Variants in CRYAB observed in about 807,000 individuals in gnomAD.
CRYAB encodes the protein crystallin alpha B.
CRYAB carries 9 observed loss-of-function variants against 12.7 expected under a neutral mutation model. That is an observed-to-expected ratio of 0.71 (90% CI 0.43 to 1.24). The LOEUF (loss-of-function observed/expected upper bound fraction) is 1.24. Among genes scored for constraint, CRYAB ranks in the 50% most tolerant of loss-of-function variants. The pLI, the probability that CRYAB is intolerant of heterozygous loss-of-function variation, is 0.00. For missense variants in CRYAB, 183 were observed against 226.6 expected (o/e 0.81, Z 1.24); for synonymous variants, 93 against 86.8 (o/e 1.07, Z -0.40).
intron 1 of CRYAB, 112 bp downstream of exon 1, chr11:111,911,412 G>A: frequency 9.3e-7 from 1 of 1,070,012 alleles, no homozygotes; most frequent in Non-Finnish European, 1.4e-6. Flanking sequence ...CTTCACATTT[G>A]GACACACATG....
upstream of CRYAB, among the ~76,000 whole-genome samples, chr11:111,915,800 T>C (rs587714348): frequency 3.4e-4 from 52 of 152,332 alleles, no homozygotes; most frequent in African/African-American, 1.2e-3. Context: ...TGGAGTGCAG[T>C]GGCATGATCA....
Position 111,910,702 on chromosome 11 carries a change from G to T in CRYAB, c.202-253C>A, listed in dbSNP as rs1021708647. 7.2e-6 allele frequency: 4 copies of T among 553,256 alleles called. No homozygotes were observed. The African/African-American group carries it at 7.6e-5, about 10-fold the overall frequency. The allele number at this position is 553,256 out of a possible 1,614,324, so 34.3% of individuals were successfully genotyped here. ...AGAGAAGAAGACAGATCACCCAGGGGACCAGTCGCAAGGATGGGTGCAAGC... is the reference window on the plus strand; with the variant it reads ...AGAGAAGAAGACAGATCACCCAGGGTACCAGTCGCAAGGATGGGTGCAAGC... On this transcript the variant is annotated intron_variant, in intron 1 of 2. Coordinates refer to ENST00000650687, the MANE Select transcript of CRYAB (RefSeq NM_001289808.2).
upstream of CRYAB, chr11:111,912,957 C>T (rs545496413): frequency 5.5e-5 from 82 of 1,487,542 alleles, no homozygotes; most frequent in African/African-American, 1.0e-3. Flanking sequence ...TGCCCCCCAC[C>T]CCCACCCCCT....
In CRYAB at chr11:111,911,665, G is replaced by C. The variant is rs4252582; in HGVS notation, c.60C>G (p.Pro20=). The change falls in exon 1 of 3, where the codon CCC becomes CCG. Residue 20 remains proline (P), a synonymous_variant. Transcript: ENST00000650687. ...IRRPFFPFHS[P]SRLFDQFFGE... ...CGAAGAACTGGTCAAAGAGGCGGCT[G>C]GGGGAGTGGAAAGGAAAGAAGGGGC... is the stretch of plus-strand genomic sequence containing the variant. 3 of 1,608,426 alleles carry C rather than the reference G, an allele frequency of 1.9e-6. No individual in the cohort carries two copies. The highest frequency in any genetic ancestry group is 1.1e-5 in the South Asian group (1 of 89,798).
upstream of CRYAB, chr11:111,913,222 T>G: frequency 1.8e-6 from 1 of 555,190 alleles, no homozygotes; most frequent in Non-Finnish European, 3.2e-6. Flanking sequence ...CTCCCCCTCC[T>G]CCTCCTTCTC....
chr11:111,914,707 G>T (rs73560027), upstream of CRYAB, among the ~76,000 whole-genome samples: 1 of 152,272 alleles, frequency 6.6e-6, no homozygotes, highest in African/African-American at 2.4e-5. Flanking sequence ...TGGGGGAAGT[G>T]TCCAAAAGAC....
chr11:111,915,548 A>G (rs1353752995), upstream of CRYAB, among the ~76,000 whole-genome samples: 1 of 152,244 alleles, frequency 6.6e-6, no homozygotes, highest in East Asian at 1.9e-4. Context: ...TTCAACCAAA[A>G]TAGCTTCACA....
chr11:111,913,618 G>A, upstream of CRYAB: 1 of 1,614,182 alleles, frequency 6.2e-7, no homozygotes, highest in Non-Finnish European at 8.5e-7. Context: ...GTGACTGTGA[G>A]GACTGTGGAT....
rs782115863 is a variant in CRYAB at position 111,908,816 on chromosome 11, A to G, written c.476T>C (p.Ile159Thr). Residue 159 changes from isoleucine (I) to threonine (T), a missense_variant, in exon 3 of 3, where the codon ATT (isoleucine) becomes ACT (threonine). Around this residue, in one of 3 missense-constraint regions of CRYAB, gnomAD observed 95 missense variants for 112.5 expected, o/e 0.84. Transcript: ENST00000650687. ...AGGCTTCTCTTCACGGGTGATGGGA[A>G]TGGTGCGCTCAGGGCCAGAGACCTG... ...RKQVSGPERT[I>T]PITREEKPAV... 1.9e-6 allele frequency: 3 copies of G among 1,613,668 alleles called. No individual in the cohort carries two copies. The highest frequency in any genetic ancestry group is 1.3e-5 in the African/African-American group (1 of 75,046).
intron 1 of CRYAB, among the ~76,000 whole-genome samples, chr11:111,919,679 A>G (rs966752323): frequency 6.6e-6 from 1 of 152,078 alleles, no homozygotes; most frequent in Non-Finnish European, 1.5e-5. Flanking sequence ...AATTTTTCCA[A>G]TACTTTATGA....
upstream of CRYAB, among the ~76,000 whole-genome samples, chr11:111,916,501 G>A (rs1965599948): frequency 6.6e-6 from 1 of 152,208 alleles, no homozygotes; most frequent in Non-Finnish European, 1.5e-5. Flanking sequence ...GGGGTTACAG[G>A]CGTGAGCCAC....
chr11:111,919,817 C>T (rs1359719411), intron 1 of CRYAB, among the ~76,000 whole-genome samples: 1 of 152,204 alleles, frequency 6.6e-6, no homozygotes, highest in African/African-American at 2.4e-5. Context: ...CTGAGGCCCA[C>T]CTGACTTCAG....
At chr11:111,912,769 G>A, upstream of CRYAB, 2 of 1,355,830 alleles carry the variant, frequency 1.5e-6, no homozygotes, top group South Asian at 1.2e-5. Context: ...GCAGCTGGAG[G>A]GGTCGCGCTG....
Sources: gnomAD v4.1 joint callset for allele counts (sites outside exome capture counted in the v4.1 genomes callset) on GRCh38, gnomAD v4.1.1 for gene constraint, gnomAD v4.1.1 regional missense constraint, MANE v1.5 for transcripts, NCBI Gene and HGNC (gene_info 2026-07-23, HGNC 2026-07-21) for gene names.